DLGAP2: variants seen among roughly 807,000 people sequenced by gnomAD.
The protein encoded by DLGAP2 is disks large-associated protein 2.
Under a neutral mutation model 100.3 loss-of-function variants are expected in DLGAP2, and 26 were observed. That is an observed-to-expected ratio of 0.26 (90% CI 0.19 to 0.36). DLGAP2 has a LOEUF of 0.36. Among genes scored for constraint, DLGAP2 ranks in the 10% least tolerant of loss-of-function variants. The pLI, the probability that DLGAP2 is intolerant of heterozygous loss-of-function variation, is 1.00. For synonymous variants in DLGAP2, 886 were observed against 630.1 expected, an observed-to-expected ratio of 1.41 and a Z score of -6.08; for missense variants, 1,858 against 1,453.2, an observed-to-expected ratio of 1.28 and a Z score of -4.53.
chr8:1,071,160 C>G (rs548551736), intron 2 of DLGAP2, among the ~76,000 whole-genome samples: 1 of 152,210 alleles, frequency 6.6e-6, no homozygotes, highest in Non-Finnish European at 1.5e-5. Flanking sequence ...CGAGCGGAAG[C>G]TGGGGAGGAG....
At chr8:921,883 A>G (rs1226715539) in intron 2 of DLGAP2, among the ~76,000 whole-genome samples, 1 of 152,236 alleles carries the variant, frequency 6.6e-6, no homozygotes, top group Admixed American at 6.5e-5. Context: ...TGCATCTTCC[A>G]GTGGACGGCG....
intron 6 of DLGAP2, among the ~76,000 whole-genome samples, chr8:1,573,455 T>C (rs1160766382): frequency 6.6e-6 from 1 of 151,898 alleles, no homozygotes; most frequent in Non-Finnish European, 1.5e-5. Context: ...TGGGGGCATC[T>C]AATGGGATTG....
intron 7 of DLGAP2, among the ~76,000 whole-genome samples, chr8:1,632,167 G>A (rs1218564045): frequency 1.3e-5 from 2 of 152,048 alleles, no homozygotes; most frequent in Non-Finnish European, 2.9e-5. Flanking sequence ...CTAAGCTAAG[G>A]AAGAATAAAA....
intron 10 of DLGAP2, among the ~76,000 whole-genome samples, chr8:1,674,565 T>C (rs1006258485): frequency 1.3e-5 from 2 of 152,262 alleles, no homozygotes; most frequent in African/African-American, 2.4e-5. Context: ...CACATTTTTA[T>C]GATAAAAACG....
chr8:837,127 T>G (rs1046303645), intron 1 of DLGAP2, among the ~76,000 whole-genome samples: 1 of 152,234 alleles, frequency 6.6e-6, no homozygotes, highest in African/African-American at 2.4e-5. Context: ...TGTTCCCATC[T>G]GTGACACGTG....
At chr8:1,243,862 A>C (rs1798849950) in intron 2 of DLGAP2, among the ~76,000 whole-genome samples, 1 of 152,260 alleles carries the variant, frequency 6.6e-6, no homozygotes, top group Middle Eastern at 3.4e-3. Flanking sequence ...GAGTAACCTC[A>C]CTATCCACAT....
At chr8:836,987 T>G (rs1212372071) in intron 1 of DLGAP2, among the ~76,000 whole-genome samples, 1 of 152,200 alleles carries the variant, frequency 6.6e-6, no homozygotes, top group Non-Finnish European at 1.5e-5. Flanking sequence ...ACAATGTTCT[T>G]CTCTTACTTG....
At chr8:1,328,976 T>C (rs1408621137) in intron 3 of DLGAP2, among the ~76,000 whole-genome samples, 1 of 152,246 alleles carries the variant, frequency 6.6e-6, no homozygotes, top group Non-Finnish European at 1.5e-5. Context: ...GAATTATGCG[T>C]GGAAGGCACT....
chr8:1,175,097 C>T (rs1232201255), intron 2 of DLGAP2, among the ~76,000 whole-genome samples: 1 of 152,190 alleles, frequency 6.6e-6, no homozygotes, highest in Non-Finnish European at 1.5e-5. Context: ...CCCCTTCCCA[C>T]ACTTTTTTGC....
chr8:1,645,307 T>C (rs1294187601), intron 8 of DLGAP2, among the ~76,000 whole-genome samples: 5 of 152,182 alleles, frequency 3.3e-5, no homozygotes, highest in African/African-American at 1.2e-4. Context: ...TTCAGTACAG[T>C]GTTCCATGAA....
chr8:1,251,583 G>A (rs1799041099), intron 2 of DLGAP2, among the ~76,000 whole-genome samples: 1 of 152,202 alleles, frequency 6.6e-6, no homozygotes, highest in Non-Finnish European at 1.5e-5. Flanking sequence ...ACACGTGCAA[G>A]CCACGGTGCC....
intron 3 of DLGAP2, among the ~76,000 whole-genome samples, chr8:1,494,013 C>T (rs1009327536): frequency 8.0e-5 from 12 of 150,720 alleles, no homozygotes; most frequent in African/African-American, 1.2e-4. Flanking sequence ...GCCAGGAGGA[C>T]GCAGGGCCCC....
At chr8:942,099 G>C (rs1799210810) in intron 2 of DLGAP2, among the ~76,000 whole-genome samples, 1 of 152,180 alleles carries the variant, frequency 6.6e-6, no homozygotes, top group African/African-American at 2.4e-5. Flanking sequence ...TGGGACCACA[G>C]GTGCATGCCA....
intron 2 of DLGAP2, among the ~76,000 whole-genome samples, chr8:983,571 G>A (rs1018461701): frequency 2.6e-5 from 4 of 152,190 alleles, no homozygotes; most frequent in Middle Eastern, 3.2e-3. Context: ...ACTTCCCTGA[G>A]ACTCAGTTTA....
At chr8:1,558,887 C>G (rs1157280381) in intron 5 of DLGAP2, among the ~76,000 whole-genome samples, 1 of 152,174 alleles carries the variant, frequency 6.6e-6, no homozygotes, top group South Asian at 2.1e-4. Flanking sequence ...TTTACACACA[C>G]ACACACACGG....
At chr8:1,161,187 G>T (rs748159862) in intron 2 of DLGAP2, among the ~76,000 whole-genome samples, 12 of 152,130 alleles carry the variant, frequency 7.9e-5, no homozygotes, top group Non-Finnish European at 1.5e-4. Flanking sequence ...TAAACACATC[G>T]ATGTATCCTA....
At chr8:1,208,352 G>A (rs184480966) in intron 2 of DLGAP2, among the ~76,000 whole-genome samples, 1 of 152,120 alleles carries the variant, frequency 6.6e-6, no homozygotes, top group Non-Finnish European at 1.5e-5. Flanking sequence ...TGTTTGGTTT[G>A]TTAAAGATCA....
intron 3 of DLGAP2, among the ~76,000 whole-genome samples, chr8:1,350,706 G>GAC (rs1403347148): frequency 9.4e-6 from 1 of 106,244 alleles, no homozygotes; most frequent in Non-Finnish European, 1.9e-5. Context: ...TGCGGGTCCT[G>GAC]AGTGTGCGTG....
intron 3 of DLGAP2, among the ~76,000 whole-genome samples, chr8:1,282,198 GAC>G: frequency 8.4e-6 from 1 of 119,408 alleles, no homozygotes; most frequent in Admixed American, 9.8e-5. Context: ...GAACCATCCG[GAC>G]ATGGTGTGAC....
Sources: gnomAD v4.1 joint callset for allele counts (sites outside exome capture counted in the v4.1 genomes callset) on GRCh38, gnomAD v4.1.1 for gene constraint, MANE v1.5 for transcripts, NCBI Gene and HGNC (gene_info 2026-07-23, HGNC 2026-07-21) for gene names.